PEAK1: variants seen among roughly 807,000 people sequenced by gnomAD.
PEAK1 encodes inactive tyrosine-protein kinase PEAK1.
Under a neutral mutation model 124.7 loss-of-function variants are expected in PEAK1, and 54 were observed. The observed-to-expected ratio is 0.43, with a 90% CI of 0.35 to 0.54. The LOEUF (loss-of-function observed/expected upper bound fraction) is 0.54, where lower values mean the gene tolerates loss of function less well. Among genes scored for constraint, PEAK1 ranks in the 20% least tolerant of loss-of-function variants. The pLI is 0.01. For missense variants in PEAK1, 2,046 were observed against 2,134.5 expected (o/e 0.96, Z 0.82); for synonymous variants, 719 against 760.0 (o/e 0.95, Z 0.89).
chr15:77,191,428 T>C (rs951563948), intron 6 of PEAK1, among the ~76,000 whole-genome samples: 2 of 152,178 alleles, frequency 1.3e-5, no homozygotes, highest in Non-Finnish European at 2.9e-5. Context: ...GACATACCAA[T>C]TGGGCACTTG....
intron 7 of PEAK1, among the ~76,000 whole-genome samples, chr15:77,160,600 TG>T (rs1274037885): frequency 6.6e-6 from 1 of 151,988 alleles, no homozygotes; most frequent in Non-Finnish European, 1.5e-5. Flanking sequence ...CTCTTGAACC[TG>T]GGAGGTAGAG....
intron 5 of PEAK1, among the ~76,000 whole-genome samples, chr15:77,269,483 A>C (rs1377294363): frequency 1.3e-5 from 2 of 152,330 alleles, no homozygotes; most frequent in African/African-American, 4.8e-5. Flanking sequence ...TCCTACATAC[A>C]TATGCACCTA....
intron 1 of PEAK1, chr15:77,417,463 G>A (rs1567378172): frequency 5.8e-6 from 5 of 855,718 alleles, no homozygotes; most frequent in Non-Finnish European, 7.0e-6. Context: ...GCGGGGCGGG[G>A]GGGGAGGGGG....
rs557613873 is a variant in PEAK1 at position 77,367,043 on chromosome 15, G to A, written c.-665-1818C>T. 8.9e-4 allele frequency among the ~76,000 whole-genome samples: 136 copies of A among 152,220 alleles called. 1 individual carries two copies. The highest frequency in any genetic ancestry group is 7.6e-4 in the Non-Finnish European group (52 of 67,996). ...CATCTACTCAGGAGGCTGAGGCAGG[G>A]AAATCGCTTCAACCCGGGAGGCAGA... is the stretch of plus-strand genomic sequence containing the variant. On this transcript the variant is annotated intron_variant, in intron 1 of 9. Coordinates refer to ENST00000682557, the MANE Select transcript of PEAK1 (RefSeq NM_001385026.1).
chr15:77,379,221 C>T (rs2069278026), intron 1 of PEAK1, among the ~76,000 whole-genome samples: 1 of 152,074 alleles, frequency 6.6e-6, no homozygotes, highest in African/African-American at 2.4e-5. Context: ...CAAATAGAAA[C>T]TCAAAAATCT....
At chr15:77,366,778 T>G (rs1242105937) in intron 1 of PEAK1, among the ~76,000 whole-genome samples, 2 of 152,166 alleles carry the variant, frequency 1.3e-5, no homozygotes, top group South Asian at 2.1e-4. Context: ...CGAAGACTGG[T>G]CTTGAACTAC....
Position 77,404,825 on chromosome 15 carries a change from G to A in PEAK1, c.-666+15181C>T, listed in dbSNP as rs1292428591. ...TGCTTCAATATGTATTCAACTTATC[G>A]AATGTAACTTAGCAATATGAAAAAA... On this transcript the variant is annotated intron_variant, in intron 1 of 9. Coordinates refer to ENST00000682557, the MANE Select transcript of PEAK1 (RefSeq NM_001385026.1). 44 of 958,824 alleles carry A rather than the reference G, an allele frequency of 4.6e-5. 1 individual carries two copies. The highest frequency in any genetic ancestry group is 5.1e-5 in the Non-Finnish European group (41 of 806,052). 59.4% of individuals were successfully genotyped at this position (958,824 alleles called of 1,614,324 possible).
intron 6 of PEAK1, among the ~76,000 whole-genome samples, chr15:77,233,376 C>A (rs1266205115): frequency 6.6e-6 from 1 of 152,136 alleles, no homozygotes; most frequent in Non-Finnish European, 1.5e-5. Context: ...CCTTATCAAA[C>A]CTTTTATTAT....
chr15:77,207,333 A>G (rs1046397695), intron 6 of PEAK1, among the ~76,000 whole-genome samples: 2 of 152,208 alleles, frequency 1.3e-5, no homozygotes, highest in Non-Finnish European at 2.9e-5. Context: ...ACAAATTGAG[A>G]TATCTGTGGA....
intron 6 of PEAK1, among the ~76,000 whole-genome samples, chr15:77,250,925 T>C (rs2152925007): frequency 6.6e-6 from 1 of 152,322 alleles, no homozygotes; most frequent in East Asian, 1.9e-4. Context: ...ATTCATTCTT[T>C]GGTATATAAT....
intron 1 of PEAK1, among the ~76,000 whole-genome samples, chr15:77,388,480 C>T (rs141300631): frequency 0.011 from 1,715 of 152,206 alleles, 43 homozygotes; most frequent in African/African-American, 0.039. Flanking sequence ...AAATAAAAGA[C>T]GACTCATATT....
At chr15:77,189,061 C>T (rs781040355) in intron 6 of PEAK1, among the ~76,000 whole-genome samples, 45 of 151,964 alleles carry the variant, frequency 3.0e-4, no homozygotes, top group South Asian at 6.2e-4. Context: ...ATTAGCCAGG[C>T]GTGGTGGTGC....
At position 77,283,968 on chromosome 15, in the gene PEAK1, T is replaced by G; in HGVS notation, c.-360A>C. ...TGTTTCTCCTTCTTGGATTTTTTCA[T>G]AAATCATTGAATTCTCACTTTCTCA... On this transcript the variant is annotated 5_prime_UTR_variant, in exon 5 of 10. An upstream start codon of the reference 5' UTR is lost. Transcript: ENST00000682557. 4.1e-6 allele frequency: 4 copies of G among 983,502 alleles called. No homozygotes were observed. The highest frequency in any genetic ancestry group is 4.8e-6 in the Non-Finnish European group (4 of 828,160). The allele number at this position is 983,502 out of a possible 1,614,324, so 60.9% of individuals were successfully genotyped here. A position where few individuals can be genotyped will look rare whatever the true frequency, so the allele number is the denominator to read the frequency against.
intron 6 of PEAK1, among the ~76,000 whole-genome samples, chr15:77,228,071 C>T (rs924779878): frequency 4.0e-5 from 6 of 151,884 alleles, no homozygotes; most frequent in Admixed American, 1.3e-4. Flanking sequence ...TGGACACTTA[C>T]AACATATAAG....
rs190420923 is a variant in PEAK1, at chr15:77,304,758, C to T, written c.-602-18254G>A. Among the ~76,000 whole-genome samples, 8 of 152,182 alleles carry T rather than the reference C, an allele frequency of 5.3e-5. No individual in the cohort carries two copies. In the East Asian group the frequency reaches 1.4e-3, roughly 26 times the overall value. On this transcript the variant is annotated intron_variant, in intron 2 of 9. Coordinates refer to ENST00000682557, the MANE Select transcript of PEAK1 (RefSeq NM_001385026.1). ...CACCACACCTGGCCAATCCTGTATA[C>T]ATTTTCTTTCATTTACACCTAAATA...
chr15:77,116,309 G>A (rs1383552130), intron 9 of PEAK1, among the ~76,000 whole-genome samples: 1 of 152,124 alleles, frequency 6.6e-6, no homozygotes, highest in Non-Finnish European at 1.5e-5. Flanking sequence ...CCTGTTAACT[G>A]AGGGTCATTC....
downstream of PEAK1, chr15:77,105,856 C>T (rs933030877): frequency 6.6e-6 from 1 of 152,250 alleles, no homozygotes; most frequent in African/African-American, 2.4e-5. Context: ...GTCAGTGGCC[C>T]ATCACCTCCG....
At chr15:77,115,546 C>T (rs2051289452) in intron 9 of PEAK1, among the ~76,000 whole-genome samples, 1 of 152,042 alleles carries the variant, frequency 6.6e-6, no homozygotes, top group Non-Finnish European at 1.5e-5. Flanking sequence ...ATTTTTAGTC[C>T]TCACATTAAC....
intron 2 of PEAK1, among the ~76,000 whole-genome samples, chr15:77,292,290 C>T (rs1271924438): frequency 6.6e-6 from 1 of 152,142 alleles, no homozygotes; most frequent in Non-Finnish European, 1.5e-5. Context: ...ATCTGTATTT[C>T]TGTTTAAAGA....
Sources: allele counts gnomAD v4.1 joint callset (sites outside exome capture counted in the v4.1 genomes callset), GRCh38; gene constraint gnomAD v4.1.1; transcripts MANE v1.5; gene names NCBI Gene and HGNC (gene_info 2026-07-23, HGNC 2026-07-21).